PHACTR1: variants seen among roughly 807,000 people sequenced by gnomAD.
PHACTR1 encodes the protein RPEL repeat containing 1.
PHACTR1 carries 16 observed loss-of-function variants against 69.2 expected under a neutral mutation model. The observed-to-expected ratio is 0.23, with a 90% CI of 0.16 to 0.35. PHACTR1 has a LOEUF of 0.35. Among genes scored for constraint, PHACTR1 ranks in the 10% least tolerant of loss-of-function variants. PHACTR1 has a pLI of 1.00. For synonymous variants in PHACTR1, 312 were observed against 284.5 expected, an observed-to-expected ratio of 1.10 and a Z score of -0.97; for missense variants, 510 against 734.7, an observed-to-expected ratio of 0.69 and a Z score of 3.54.
intron 4 of PHACTR1, among the ~76,000 whole-genome samples, chr6:12,969,138 TG>T (rs1284839477): frequency 2.6e-5 from 4 of 152,218 alleles, no homozygotes; most frequent in African/African-American, 9.6e-5. Flanking sequence ...GGGTGGGACT[TG>T]GGCATAGGTA....
intron 4 of PHACTR1, among the ~76,000 whole-genome samples, chr6:12,801,461 G>A (rs1306425200): frequency 2.6e-5 from 4 of 152,036 alleles, no homozygotes; most frequent in Non-Finnish European, 5.9e-5. Context: ...AGTTCATAAG[G>A]GGCCATGAAA....
intron 4 of PHACTR1, among the ~76,000 whole-genome samples, chr6:12,773,472 A>T (rs915122530): frequency 1.3e-5 from 2 of 152,224 alleles, no homozygotes; most frequent in Non-Finnish European, 2.9e-5. Context: ...TAAACAATGT[A>T]TCGCTTCCCT....
intron 4 of PHACTR1, among the ~76,000 whole-genome samples, chr6:12,763,938 A>G (rs1259757142): frequency 6.6e-6 from 1 of 152,116 alleles, no homozygotes. Context: ...ATAAAAATAT[A>G]TTGTTTGGAA....
intron 4 of PHACTR1, among the ~76,000 whole-genome samples, chr6:12,847,676 T>A (rs1659583027): frequency 6.6e-6 from 1 of 152,062 alleles, no homozygotes; most frequent in South Asian, 2.1e-4. Flanking sequence ...AATTACTGAA[T>A]ACATCCCAAG....
At chr6:12,815,374 T>G (rs975388192) in intron 4 of PHACTR1, among the ~76,000 whole-genome samples, 2 of 152,138 alleles carry the variant, frequency 1.3e-5, no homozygotes, top group Non-Finnish European at 2.9e-5. Context: ...CTCTGGAATT[T>G]TCTCTACTTG....
chr6:13,241,511 C>T (rs147139868), intron 10 of PHACTR1, among the ~76,000 whole-genome samples: 40 of 152,314 alleles, frequency 2.6e-4, no homozygotes, highest in African/African-American at 9.6e-4. Flanking sequence ...GAAGAGAAAT[C>T]AAAGACTTTG....
At chr6:13,073,475 C>G (rs2127779152) in intron 5 of PHACTR1, among the ~76,000 whole-genome samples, 1 of 150,412 alleles carries the variant, frequency 6.6e-6, no homozygotes, top group Admixed American at 6.7e-5. Context: ...TCCCAAGTAA[C>G]TGAGACTACA....
intron 4 of PHACTR1, among the ~76,000 whole-genome samples, chr6:13,047,153 G>A (rs1424707443): frequency 1.5e-4 from 23 of 152,066 alleles, no homozygotes; most frequent in African/African-American, 2.4e-5. Flanking sequence ...CAAGGTGGGC[G>A]GATCACATGA....
chr6:13,209,959 T>G (rs1766554523), intron 8 of PHACTR1, among the ~76,000 whole-genome samples: 1 of 152,220 alleles, frequency 6.6e-6, no homozygotes, highest in East Asian at 1.9e-4. Context: ...CGTGTTCCCC[T>G]GAGATTATAC....
chr6:12,808,105 C>T (rs146624421), intron 4 of PHACTR1, among the ~76,000 whole-genome samples: 2 of 152,208 alleles, frequency 1.3e-5, no homozygotes, highest in African/African-American at 2.4e-5. Context: ...TATATCTTCA[C>T]GTTTAAAAAA....
intron 8 of PHACTR1, among the ~76,000 whole-genome samples, chr6:13,220,808 G>T (rs1220554565): frequency 2.0e-5 from 3 of 152,196 alleles, no homozygotes; most frequent in Admixed American, 1.3e-4. Flanking sequence ...GTAATGTGGT[G>T]TATTCTGATT....
At chr6:13,205,745 C>T in intron 7 of PHACTR1, 70 bp from the exon 8 acceptor site, 1 of 1,416,892 alleles carries the variant, frequency 7.1e-7, no homozygotes. Flanking sequence ...CAGGTGAGCG[C>T]ATCTGGTGTT....
rs116504036 is a variant in PHACTR1, at chr6:13,188,815, G to A, written c.664+6129G>A. On this transcript the variant is annotated intron_variant, in intron 7 of 14. Coordinates refer to ENST00000332995, the MANE Select transcript of PHACTR1 (RefSeq NM_030948.6). Reference sequence around the variant, plus strand: ...CAACATCAACCATGCAACAGCATGCGATACAGGGCCAGGAGTTGTTGGCAT... The same window carrying A: ...CAACATCAACCATGCAACAGCATGCAATACAGGGCCAGGAGTTGTTGGCAT... 2.7e-3 allele frequency among the ~76,000 whole-genome samples: 415 copies of A among 152,288 alleles called. 5 individuals carry two copies. The highest frequency in any genetic ancestry group is 8.7e-3 in the African/African-American group (362 of 41,548).
At chr6:12,919,522 A>G (rs1787408309) in intron 4 of PHACTR1, among the ~76,000 whole-genome samples, 1 of 152,194 alleles carries the variant, frequency 6.6e-6, no homozygotes, top group South Asian at 2.1e-4. Context: ...GATCCCTGCA[A>G]TCTAGAAGTT....
intron 4 of PHACTR1, among the ~76,000 whole-genome samples, chr6:12,754,931 G>T (rs1458450414): frequency 6.6e-6 from 1 of 152,230 alleles, no homozygotes; most frequent in East Asian, 1.9e-4. Flanking sequence ...TTATGTAAAG[G>T]ATTTGAGTAT....
intron 8 of PHACTR1, among the ~76,000 whole-genome samples, chr6:13,224,132 C>T (rs775488311): frequency 2.0e-5 from 3 of 152,284 alleles, no homozygotes; most frequent in Non-Finnish European, 4.4e-5. Flanking sequence ...GTGTCAGGCA[C>T]GATACTAGGC....
At position 12,749,881 on chromosome 6, in the gene PHACTR1, C is replaced by T. The variant is rs373759527; in HGVS notation, c.250+91C>T. On this transcript the variant is annotated intron_variant, in intron 4 of 14. Transcript: ENST00000332995. The stretch of plus-strand genomic sequence containing the variant: ...CCCCGCCCCTCCCGGGCGTCCTCCC[C>T]GCCGCCCCCCGCAGTCGGGCGCTCA... 4.5e-4 allele frequency: 562 copies of T among 1,245,440 alleles called. 7 individuals are homozygous for T. The South Asian group carries it at 8.2e-3, about 18-fold the overall frequency. The allele number at this position is 1,245,440 out of a possible 1,614,324, so 77.1% of individuals were successfully genotyped here.
intron 5 of PHACTR1, among the ~76,000 whole-genome samples, chr6:13,066,152 T>C (rs114710757): frequency 0.015 from 2,295 of 152,194 alleles, 62 homozygotes; most frequent in African/African-American, 0.052. Context: ...ATAAAAGATG[T>C]AATTGTTTCT....
intron 8 of PHACTR1, among the ~76,000 whole-genome samples, chr6:13,226,010 A>T (rs1007523882): frequency 6.6e-6 from 1 of 152,240 alleles, no homozygotes; most frequent in Non-Finnish European, 1.5e-5. Context: ...TCTATCGTGT[A>T]CTTCACCCTC....
Sources: allele counts gnomAD v4.1 joint callset (sites outside exome capture counted in the v4.1 genomes callset), GRCh38; gene constraint gnomAD v4.1.1; transcripts MANE v1.5; gene names NCBI Gene and HGNC (gene_info 2026-07-23, HGNC 2026-07-21).